ZFHX3: variants seen among roughly 807,000 people sequenced by gnomAD.
The protein encoded by ZFHX3 is zinc finger homeobox protein 3.
ZFHX3 carries 42 observed loss-of-function variants against 279.1 expected under a neutral mutation model. That is an observed-to-expected ratio of 0.15 (90% CI 0.12 to 0.19). The LOEUF (loss-of-function observed/expected upper bound fraction) is 0.19, where lower values mean the gene tolerates loss of function less well. ZFHX3 is among the 10% of genes least tolerant of loss of function. The pLI is 1.00. For missense variants in ZFHX3, 4,981 were observed against 4,754.0 expected (o/e 1.05, Z -1.40); for synonymous variants, 2,293 against 1,957.8 (o/e 1.17, Z -4.52).
chr16:72,997,434 TC>T (rs1295653523), intron 1 of ZFHX3, among the ~76,000 whole-genome samples: 4 of 152,138 alleles, frequency 2.6e-5, no homozygotes, highest in African/African-American at 7.2e-5. Context: ...CCTCAAGGGT[TC>T]CCCAGGGTGA....
At chr16:72,888,248 C>T (rs1046899405) in intron 4 of ZFHX3, among the ~76,000 whole-genome samples, 2 of 152,196 alleles carry the variant, frequency 1.3e-5, no homozygotes, top group Admixed American at 6.5e-5. Context: ...AAACTGCACA[C>T]ATCCATGATG....
At chr16:73,561,202 G>C (rs1423237208) in intron 2 of ZFHX3, among the ~76,000 whole-genome samples, 20 of 152,144 alleles carry the variant, frequency 1.3e-4, no homozygotes, top group African/African-American at 2.4e-5. Context: ...AGAGACAGGA[G>C]ACTGAAATTC....
chr16:73,297,563 C>T (rs973472591), intron 4 of ZFHX3, among the ~76,000 whole-genome samples: 1 of 151,922 alleles, frequency 6.6e-6, no homozygotes, highest in African/African-American at 2.4e-5. Context: ...TAGAAGTAAG[C>T]CAAATCCTTC....
At chr16:73,830,765 ACTGT>A (rs1325044414) in intron 1 of ZFHX3, among the ~76,000 whole-genome samples, 1 of 152,224 alleles carries the variant, frequency 6.6e-6, no homozygotes, top group Non-Finnish European at 1.5e-5. Context: ...TCTTGAATGA[ACTGT>A]CTTATTGCAT....
At chr16:73,807,620 A>ATT (rs55806545) in intron 1 of ZFHX3, among the ~76,000 whole-genome samples, 1,056 of 70,558 alleles carry the variant, frequency 0.015, 54 homozygotes, top group Middle Eastern at 0.035. Context: ...CCATGCCCCA[A>ATT]TTTTTTTTTT....
At chr16:73,325,927 A>AC (rs199513319) in intron 3 of ZFHX3, among the ~76,000 whole-genome samples, 57,452 of 138,870 alleles carry the variant, frequency 0.41, 12,725 homozygotes, top group Non-Finnish European at 0.53. Flanking sequence ...ACACACACAC[A>AC]AACACACACA....
chr16:73,695,032 G>A (rs904692632), intron 1 of ZFHX3, among the ~76,000 whole-genome samples: 1 of 152,222 alleles, frequency 6.6e-6, no homozygotes, highest in African/African-American at 2.4e-5. Flanking sequence ...TTGCTCAGAG[G>A]CACAGCGCTG....
chr16:72,891,959 C>T (rs1357734194), intron 3 of ZFHX3, among the ~76,000 whole-genome samples: 2 of 152,190 alleles, frequency 1.3e-5, no homozygotes, highest in African/African-American at 4.8e-5. Flanking sequence ...CATCCTTGTC[C>T]AGCTTAGAAT....
At chr16:73,068,564 T>C (rs1389491798) in intron 8 of ZFHX3, among the ~76,000 whole-genome samples, 1 of 152,248 alleles carries the variant, frequency 6.6e-6, no homozygotes, top group African/African-American at 2.4e-5. Flanking sequence ...CCCTTGGTTT[T>C]CCAGCCTCGG....
At chr16:73,119,031 G>GAAATTTACTATCC (rs1966464275) in intron 7 of ZFHX3, among the ~76,000 whole-genome samples, 1 of 152,174 alleles carries the variant, frequency 6.6e-6, no homozygotes. Flanking sequence ...TGTGTCCTGG[G>GAAATTTACTATCC]ATGGTACTAT....
intron 2 of ZFHX3, among the ~76,000 whole-genome samples, chr16:73,457,770 G>A (rs997676596): frequency 1.1e-4 from 16 of 151,036 alleles, no homozygotes; most frequent in Non-Finnish European, 1.6e-4. Context: ...GCGAGACTCC[G>A]TCTCAAAAAA....
intron 4 of ZFHX3, among the ~76,000 whole-genome samples, chr16:72,843,708 G>C (rs565047914): frequency 2.0e-5 from 3 of 152,168 alleles, no homozygotes; most frequent in African/African-American, 7.2e-5. Context: ...CTGGCTCTGC[G>C]GGAATCTTCC....
chr16:73,255,115 C>A (rs2013627837), intron 5 of ZFHX3, among the ~76,000 whole-genome samples: 1 of 152,206 alleles, frequency 6.6e-6, no homozygotes, highest in South Asian at 2.1e-4. Context: ...ATATCCAGAT[C>A]AGTCCTGAGA....
chr16:72,897,642 A>G (rs2038932091), intron 3 of ZFHX3, among the ~76,000 whole-genome samples: 1 of 151,936 alleles, frequency 6.6e-6, no homozygotes, highest in Non-Finnish European at 1.5e-5. Flanking sequence ...AGTCTGACCA[A>G]TTTGCCCAGG....
At chr16:73,242,921 A>G (rs2013168300) in intron 5 of ZFHX3, among the ~76,000 whole-genome samples, 1 of 152,224 alleles carries the variant, frequency 6.6e-6, no homozygotes, top group Non-Finnish European at 1.5e-5. Flanking sequence ...TGGAATAATG[A>G]ATCACGAGGC....
chr16:73,427,605 C>G (rs1316389641), intron 3 of ZFHX3, among the ~76,000 whole-genome samples: 1 of 152,132 alleles, frequency 6.6e-6, no homozygotes, highest in African/African-American at 2.4e-5. Context: ...ACAAATCCAG[C>G]CCTACCAGCA....
chr16:73,304,572 G>T (rs540911940), intron 4 of ZFHX3, among the ~76,000 whole-genome samples: 18 of 152,276 alleles, frequency 1.2e-4, no homozygotes, highest in African/African-American at 3.9e-4. Context: ...ATGAGCGCAT[G>T]CTCCCGTCTC....
At chr16:73,706,338 T>C (rs2053303239) in intron 1 of ZFHX3, among the ~76,000 whole-genome samples, 1 of 151,420 alleles carries the variant, frequency 6.6e-6, no homozygotes, top group South Asian at 2.1e-4. Context: ...GGCAGGCGCC[T>C]GTAATCCCAG....
chr16:73,093,949 CACGGGT>C (rs1387569089), intron 7 of ZFHX3, among the ~76,000 whole-genome samples: 6 of 152,116 alleles, frequency 3.9e-5, no homozygotes, highest in African/African-American at 7.2e-5. Context: ...GCCGGCATGG[CACGGGT>C]GAGTCCTGGC....
Sources: allele counts gnomAD v4.1 joint callset (sites outside exome capture counted in the v4.1 genomes callset), GRCh38; gene constraint gnomAD v4.1.1; transcripts MANE v1.5; gene names NCBI Gene and HGNC (gene_info 2026-07-23, HGNC 2026-07-21).